The following ACADL variants were observed in gnomAD, a reference collection of about 807,000 sequenced individuals.
ACADL encodes the protein long-chain specific acyl-CoA dehydrogenase, mitochondrial.
A neutral mutation model predicts 56.9 loss-of-function variants in ACADL; 60 were observed. The observed-to-expected ratio is 1.05, with a 90% CI of 0.86 to 1.31. The LOEUF is 1.31. Ranked by LOEUF, ACADL falls within the 50% of genes most tolerant of loss-of-function variation. The pLI is 0.00. For synonymous variants in ACADL, 158 were observed against 179.7 expected (o/e 0.88, Z 0.97); for missense variants, 484 against 525.5 (o/e 0.92, Z 0.77).
chr2:210,201,298 C>T (rs978832705), intron 8 of ACADL, among the ~76,000 whole-genome samples: 13 of 152,180 alleles, frequency 8.5e-5, no homozygotes, highest in South Asian at 4.2e-4. Flanking sequence ...AATGTGTCTG[C>T]GTGCCCAAAT....
chr2:210,204,427 A>T (rs947964306), intron 7 of ACADL, among the ~76,000 whole-genome samples, 154 bp downstream of exon 7: 2 of 152,156 alleles, frequency 1.3e-5, no homozygotes, highest in African/African-American at 2.4e-5. Flanking sequence ...TAAAACTCAT[A>T]CTTTTATTAC....
intron 8 of ACADL, among the ~76,000 whole-genome samples, chr2:210,198,063 C>T (rs1379725029): frequency 6.6e-6 from 1 of 152,178 alleles, no homozygotes; most frequent in African/African-American, 2.4e-5. Context: ...CATTACTAGT[C>T]AAGTGCTCTT....
chr2:210,217,285 G>T (rs1689102516), intron 3 of ACADL, among the ~76,000 whole-genome samples: 1 of 151,942 alleles, frequency 6.6e-6, no homozygotes, highest in Non-Finnish European at 1.5e-5. Context: ...CCCCAAAGTG[G>T]CATTCTATGT....
Position 210,216,712 on chromosome 2 carries a change from C to A in ACADL, c.372-201G>T, listed in dbSNP as rs1689093133. Reference sequence around the variant, plus strand: ...TTCCAACACAATAACAGTGGTCTACCAGAGTTCAATGAACACTTATTTAAT... The same window carrying A: ...TTCCAACACAATAACAGTGGTCTACAAGAGTTCAATGAACACTTATTTAAT... On this transcript the variant is annotated intron_variant, in intron 3 of 10. Transcript: ENST00000233710. 6 of 542,006 alleles carry A rather than the reference C, an allele frequency of 1.1e-5. No individual in the cohort carries two copies. In the East Asian group the frequency reaches 2.0e-4, roughly 18 times the overall value. The allele number at this position is 542,006 out of a possible 1,614,324, so 33.6% of individuals were successfully genotyped here. A position where few individuals can be genotyped will look rare whatever the true frequency, so the allele number is the denominator to read the frequency against.
Position 210,217,966 on chromosome 2 carries a change from G to T in ACADL, c.370C>A (p.Gln124Lys). ...LYSAAIVWEEQAYSNCSGPGF... is the reference protein window; with the variant it reads ...LYSAAIVWEEKAYSNCSGPGF... ...AACCTTAAAAGTCTCCATACTTACTGCTCCTCCCAGACAATAGCTGCGGAG... is the reference window on the plus strand; with the variant it reads ...AACCTTAAAAGTCTCCATACTTACTTCTCCTCCCAGACAATAGCTGCGGAG... The change falls in exon 3 of 11, where the codon CAA becomes AAA. Residue 124 changes from glutamine (Q) to lysine (K), a missense_variant and splice_region_variant. By Grantham distance (53) the Gln-to-Lys change is moderately conservative. Coordinates refer to ENST00000233710, the MANE Select transcript of ACADL (RefSeq NM_001608.4). 1.2e-6 allele frequency: 2 copies of T among 1,613,920 alleles called. No homozygotes were observed. Among genetic ancestry groups the T allele is most frequent in the Non-Finnish European group, 1.7e-6 (2 of 1,179,958 alleles).
intron 2 of ACADL, among the ~76,000 whole-genome samples, chr2:210,219,493 A>T (rs1689141418): frequency 6.6e-6 from 1 of 152,100 alleles, no homozygotes; most frequent in East Asian, 1.9e-4. Context: ...AAACAAACAA[A>T]CAAGTCCTCA....
chr2:210,223,741 C>G (rs1030655575), intron 1 of ACADL, among the ~76,000 whole-genome samples: 1 of 152,146 alleles, frequency 6.6e-6, no homozygotes, highest in African/African-American at 2.4e-5. Context: ...CAATGTCACT[C>G]TTTTCACTTT....
intron 1 of ACADL, chr2:210,224,440 T>C (rs1407558072): frequency 8.1e-6 from 8 of 985,324 alleles, no homozygotes; most frequent in Non-Finnish European, 9.6e-6. Flanking sequence ...CCTTCACCCT[T>C]ATTAAATAAT....
At chr2:210,222,009 A>G (rs1689183134) in intron 1 of ACADL, among the ~76,000 whole-genome samples, 1 of 152,160 alleles carries the variant, frequency 6.6e-6, no homozygotes, top group African/African-American at 2.4e-5. Flanking sequence ...GACTACAGGC[A>G]TGAGCTATTG....
intron 2 of ACADL, among the ~76,000 whole-genome samples, chr2:210,219,156 A>G (rs1689136680): frequency 6.6e-6 from 1 of 152,184 alleles, no homozygotes; most frequent in Admixed American, 6.5e-5. Flanking sequence ...CTTTGGAAAT[A>G]TTTTTATTAT....
intron 8 of ACADL, among the ~76,000 whole-genome samples, chr2:210,201,163 T>C (rs1688785795): frequency 6.6e-6 from 1 of 152,224 alleles, no homozygotes; most frequent in Non-Finnish European, 1.5e-5. Flanking sequence ...TAGCCTCTCC[T>C]GTTCCTGTGT....
chr2:210,202,054 T>C (rs749807359), intron 8 of ACADL, among the ~76,000 whole-genome samples: 2 of 152,162 alleles, frequency 1.3e-5, no homozygotes, highest in African/African-American at 2.4e-5. Flanking sequence ...TTCACTCACC[T>C]GTCTTTCAAG....
chr2:210,193,984 T>C (rs992927882), intron 9 of ACADL, among the ~76,000 whole-genome samples: 12 of 152,328 alleles, frequency 7.9e-5, no homozygotes, highest in African/African-American at 2.9e-4. Flanking sequence ...GACAAGACTT[T>C]GGGGACAATA....
intron 2 of ACADL, among the ~76,000 whole-genome samples, chr2:210,219,655 T>C (rs1423688248): frequency 1.3e-5 from 2 of 152,222 alleles, no homozygotes; most frequent in Non-Finnish European, 2.9e-5. Flanking sequence ...CTAAATGTTT[T>C]AAAGTACGGA....
chr2:210,222,820 T>A (rs1327104143), intron 1 of ACADL, among the ~76,000 whole-genome samples: 1 of 152,200 alleles, frequency 6.6e-6, no homozygotes, highest in Admixed American at 6.5e-5. Context: ...ATTGTCCTGT[T>A]GCATCAAATA....
chr2:210,211,213 T>G (rs1688972416), intron 4 of ACADL, among the ~76,000 whole-genome samples: 1 of 152,234 alleles, frequency 6.6e-6, no homozygotes, highest in African/African-American at 2.4e-5. Context: ...AATATGATTT[T>G]GATCTGTTAA....
At chr2:210,196,784 C>A (rs1688716718) in intron 8 of ACADL, among the ~76,000 whole-genome samples, 1 of 152,130 alleles carries the variant, frequency 6.6e-6, no homozygotes. Context: ...TGAGTAAGAA[C>A]TTCACTGTGG....
intron 8 of ACADL, among the ~76,000 whole-genome samples, chr2:210,202,612 C>T (rs1688810818): frequency 6.6e-6 from 1 of 152,128 alleles, no homozygotes; most frequent in African/African-American, 2.4e-5. Context: ...TATTTCCTTC[C>T]TATCTACAAC....
intron 8 of ACADL, 110 bp downstream of exon 8, chr2:210,203,221 G>T: frequency 1.3e-6 from 1 of 769,132 alleles, no homozygotes; most frequent in Non-Finnish European, 2.3e-6. Context: ...CACTTCCATG[G>T]TTTCTAATAT....
Sources: allele counts gnomAD v4.1 joint callset (sites outside exome capture counted in the v4.1 genomes callset), GRCh38; gene constraint gnomAD v4.1.1; transcripts MANE v1.5; gene names NCBI Gene and HGNC (gene_info 2026-07-23, HGNC 2026-07-21).